Variants in PLEKHG5 observed in about 807,000 individuals in gnomAD.
The protein encoded by PLEKHG5 is pleckstrin homology domain-containing family G member 5.
PLEKHG5 carries 52 observed loss-of-function variants against 103.8 expected under a neutral mutation model. That is an observed-to-expected ratio of 0.50 (90% CI 0.40 to 0.63). The LOEUF (loss-of-function observed/expected upper bound fraction) is 0.63, where lower values mean the gene tolerates loss of function less well. PLEKHG5 is among the 30% of genes least tolerant of loss of function. The pLI, the probability that PLEKHG5 is intolerant of heterozygous loss-of-function variation, is 0.00. For synonymous variants in PLEKHG5, 592 were observed against 575.5 expected, an observed-to-expected ratio of 1.03 and a Z score of -0.41; for missense variants, 1,205 against 1,347.6, an observed-to-expected ratio of 0.89 and a Z score of 1.66.
intron 5 of PLEKHG5, 170 bp from the exon 6 acceptor site, chr1:6,474,757 G>A (rs574818921): frequency 5.1e-5 from 35 of 691,002 alleles, no homozygotes; most frequent in Admixed American, 3.7e-4. Context: ...ACACCTGCCC[G>A]CAGAGGTGCT....
chr1:6,509,846 A>T (rs1406340406), intron 1 of PLEKHG5, among the ~76,000 whole-genome samples: 1 of 152,222 alleles, frequency 6.6e-6, no homozygotes, highest in Non-Finnish European at 1.5e-5. Context: ...AGGGCTTAGC[A>T]GGGAGCCTGG....
At chr1:6,484,752 C>G (rs1403993048) in intron 1 of PLEKHG5, among the ~76,000 whole-genome samples, 1 of 152,170 alleles carries the variant, frequency 6.6e-6, no homozygotes, top group Non-Finnish European at 1.5e-5. Flanking sequence ...AGGAGGGACA[C>G]CAGGGTCCGG....
chr1:6,471,438 C>A (rs1290433738), intron 12 of PLEKHG5, 50 bp downstream of exon 12: 1 of 1,572,616 alleles, frequency 6.4e-7, no homozygotes, highest in Non-Finnish European at 8.6e-7. Flanking sequence ...GGCTTTTCGG[C>A]GCCCCAGCCC....
upstream of PLEKHG5, chr1:6,497,250 A>C (rs1170144155): frequency 5.7e-6 from 5 of 873,056 alleles, no homozygotes; most frequent in Admixed American, 1.0e-4. The surrounding 1 kb of genome is among the most constrained non-coding windows in gnomAD (Gnocchi z 6.1). Context: ...CCCTCCCCGG[A>C]GGAGGTTAGG....
intron 1 of PLEKHG5, among the ~76,000 whole-genome samples, chr1:6,506,415 C>G (rs1018739619): frequency 6.6e-6 from 1 of 152,232 alleles, no homozygotes; most frequent in Non-Finnish European, 1.5e-5. Flanking sequence ...CAAATTTCGC[C>G]TTCCCGGCCC....
intron 10 of PLEKHG5, 37 bp downstream of exon 10, chr1:6,472,490 C>A: frequency 7.2e-7 from 1 of 1,392,344 alleles, no homozygotes; most frequent in East Asian, 2.3e-5. Flanking sequence ...AAGAGGGGGG[C>A]AGGGTGGCCA....
chr1:6,473,308 C>T lies in PLEKHG5; in HGVS notation c.738G>A (p.Ala246=), dbSNP rs773513292. Residue 246 remains alanine, a synonymous_variant, in exon 8 of 21, where the codon GCG becomes GCA. Transcript: ENST00000377728. ...TGAAAAAGCCGCTGAAGCGACTGGC[C>T]GCCCGGTTCTTCCAGCTGTCGCCAG... is the stretch of plus-strand genomic sequence containing the variant. The part of the protein sequence containing the change: ...TNTGDSWKNR[A]ASRFSGFFSS... 1.3e-5 allele frequency: 21 copies of T among 1,578,840 alleles called. No homozygotes were observed. Among genetic ancestry groups the T allele is most frequent in the Admixed American group, 1.1e-4 (6 of 54,458 alleles).
At position 6,484,707 on chromosome 1, in the gene PLEKHG5, GC is replaced by G. The variant is rs1386856720; in HGVS notation, c.-88+6929del. The stretch of plus-strand genomic sequence containing the variant: ...AGACCCAACTGCCCCTCCCTCACCT[GC>G]CTGCCTGCCCACCATGTCCTGCCTC... On this transcript the variant is annotated intron_variant, in intron 1 of 20. Transcript: ENST00000377728. 5.3e-5 allele frequency among the ~76,000 whole-genome samples: 8 copies of G among 152,062 alleles called. No homozygotes were observed. The East Asian group carries it at 7.7e-4, about 15-fold the overall frequency.
upstream of PLEKHG5, among the ~76,000 whole-genome samples, chr1:6,493,621 A>C (rs1413208619): frequency 1.3e-5 from 2 of 152,154 alleles, no homozygotes; most frequent in African/African-American, 4.8e-5. Flanking sequence ...CCTGGCATGT[A>C]AACATGTTCG....
At position 6,490,909 on chromosome 1, in the gene PLEKHG5, C is replaced by A. The variant is rs905735612; in HGVS notation, c.-88+728G>T. ...GGAAGGGGGCTAGGGGGGACCAGGG[C>A]CCGCGACAGGAAGCCTCCGCGCGAC... On this transcript the variant is annotated intron_variant, in intron 1 of 20. Coordinates refer to ENST00000377728, the MANE Select transcript of PLEKHG5 (RefSeq NM_020631.6). This position sits in a 1 kb window ranked among gnomAD's most constrained non-coding sequence, Gnocchi z 8.0. Among the ~76,000 whole-genome samples, 9 of 152,118 alleles carry A rather than the reference C, an allele frequency of 5.9e-5. No homozygotes were observed. The highest frequency in any genetic ancestry group is 2.2e-4 in the African/African-American group (9 of 41,440).
Position 6,490,153 on chromosome 1 carries a change from G to C in PLEKHG5, c.-88+1484C>G, listed in dbSNP as rs1645121050. On this transcript the variant is annotated intron_variant, in intron 1 of 20. Coordinates refer to ENST00000377728, the MANE Select transcript of PLEKHG5 (RefSeq NM_020631.6). This position sits in a 1 kb window ranked among gnomAD's most constrained non-coding sequence, Gnocchi z 8.0. The stretch of plus-strand genomic sequence containing the variant: ...CACGCCGCGCGCCCGGGCCCCTCCA[G>C]GATCCCCCTGCCCCGCCAATACCCC... Among the ~76,000 whole-genome samples, 1 of 152,122 alleles carries C rather than the reference G, an allele frequency of 6.6e-6. No individual in the cohort carries two copies. Among genetic ancestry groups the C allele is most frequent in the Non-Finnish European group, 1.5e-5 (1 of 67,982 alleles).
At chr1:6,504,662 C>G (rs1034802084) in intron 1 of PLEKHG5, among the ~76,000 whole-genome samples, 1 of 151,762 alleles carries the variant, frequency 6.6e-6, no homozygotes, top group Non-Finnish European at 1.5e-5. Context: ...CTACACCTCC[C>G]GGGTTCACGC....
At chr1:6,497,475 C>G, upstream of PLEKHG5, 1 of 153,180 alleles carries the variant, frequency 6.5e-6, no homozygotes, top group Non-Finnish European at 1.4e-5. The surrounding 1 kb of genome is among the most constrained non-coding windows in gnomAD (Gnocchi z 6.1). Context: ...GGCCCCGCCT[C>G]GGGGGCGGGG....
intron 1 of PLEKHG5, among the ~76,000 whole-genome samples, chr1:6,515,286 G>A (rs1323928603): frequency 6.6e-6 from 1 of 152,098 alleles, no homozygotes; most frequent in East Asian, 1.9e-4. Flanking sequence ...CCAGCACTTT[G>A]GGAGGCTGAG....
chr1:6,512,682 C>T (rs1638510205), intron 1 of PLEKHG5, among the ~76,000 whole-genome samples: 1 of 152,242 alleles, frequency 6.6e-6, no homozygotes, highest in African/African-American at 2.4e-5. Flanking sequence ...GCCATCAGCC[C>T]TGCCCTGCGC....
intron 3 of PLEKHG5, among the ~76,000 whole-genome samples, 157 bp from the exon 4 acceptor site, chr1:6,475,679 C>T (rs550583616): frequency 6.6e-6 from 1 of 152,310 alleles, no homozygotes; most frequent in East Asian, 1.9e-4. Flanking sequence ...GGCTGTGCGC[C>T]CTCTGGTGGC....
At chr1:6,473,861 A>G (rs890650808) in intron 7 of PLEKHG5, 152 bp downstream of exon 7, 12 of 777,374 alleles carry the variant, frequency 1.5e-5, no homozygotes, top group Non-Finnish European at 2.4e-5. Flanking sequence ...AGGGTCCCCT[A>G]CTCTCCCAGC....
Position 6,475,979 on chromosome 1 carries a change from G to T in PLEKHG5, c.101C>A (p.Ala34Glu), listed in dbSNP as rs776905648. ...CTCCTCCTCCTCCTCCAAGTCCACT[G>T]CGGGGCTGGTGCGCGGCGGGCATGA... ...TRSCPPRTSPAVDLEEEEEES... is the reference protein window; with the variant it reads ...TRSCPPRTSPEVDLEEEEEES... The change falls in exon 3 of 21, where the codon GCA becomes GAA. Residue 34 changes from alanine (A) to glutamate (E), a missense_variant. Physicochemically the swap from Ala to Glu is moderately radical, Grantham distance 107. Transcript: ENST00000377728. 1.8e-5 allele frequency: 29 copies of T among 1,613,856 alleles called. No homozygotes were observed. Among genetic ancestry groups the T allele is most frequent in the Non-Finnish European group, 8.5e-7 (1 of 1,180,032 alleles).
intron 7 of PLEKHG5, 128 bp from the exon 8 acceptor site, chr1:6,473,582 G>A (rs1007687166): frequency 2.8e-6 from 2 of 708,254 alleles, no homozygotes; most frequent in East Asian, 2.7e-5. Flanking sequence ...ACCCTGGGGT[G>A]TCCCCTCTCC....
Sources: allele counts gnomAD v4.1 joint callset (sites outside exome capture counted in the v4.1 genomes callset), GRCh38; gene constraint gnomAD v4.1.1; non-coding constraint Gnocchi (gnomAD v3.1); transcripts MANE v1.5; gene names NCBI Gene and HGNC (gene_info 2026-07-23, HGNC 2026-07-21).